The following SGSM1 variants were observed in gnomAD, a reference collection of about 807,000 sequenced individuals.
SGSM1 encodes RUN and TBC1 domain containing 2.
Under a neutral mutation model 133.8 loss-of-function variants are expected in SGSM1, and 73 were observed. The ratio of observed to expected loss-of-function variants is 0.55; its 90% confidence interval spans 0.45 to 0.66. SGSM1 has a LOEUF of 0.66. Among genes scored for constraint, SGSM1 ranks in the 30% least tolerant of loss-of-function variants. The pLI is 0.00. For missense variants in SGSM1, 1,213 were observed against 1,448.1 expected (o/e 0.84, Z 2.64); for synonymous variants, 563 against 573.0 (o/e 0.98, Z 0.25).
At chr22:24,923,751 T>C (rs993394520) in intron 24 of SGSM1, among the ~76,000 whole-genome samples, 1 of 152,126 alleles carries the variant, frequency 6.6e-6, no homozygotes, top group Non-Finnish European at 1.5e-5. Context: ...GCCTCCTGAG[T>C]AGCTGGGATT....
chr22:24,820,442 A>G (rs539099778), intron 2 of SGSM1, among the ~76,000 whole-genome samples: 2 of 152,302 alleles, frequency 1.3e-5, no homozygotes, highest in East Asian at 1.9e-4. Flanking sequence ...GGCAGCAGCC[A>G]AGTTAGCGGT....
intron 24 of SGSM1, among the ~76,000 whole-genome samples, chr22:24,922,497 AC>A (rs1934049395): frequency 9.1e-6 from 1 of 110,204 alleles, no homozygotes; most frequent in Non-Finnish European, 1.8e-5. Context: ...TTTTTTTGAG[AC>A]GGAGTCTTGC....
intron 14 of SGSM1, among the ~76,000 whole-genome samples, chr22:24,881,192 CAA>C (rs757336427): frequency 0.053 from 2,856 of 54,268 alleles, 81 homozygotes; most frequent in East Asian, 0.18. Flanking sequence ...GACTCCGTCT[CAA>C]AAAAAAAAAA....
chr22:24,828,450 T>C (rs1419551797), intron 2 of SGSM1, among the ~76,000 whole-genome samples: 2 of 151,980 alleles, frequency 1.3e-5, no homozygotes, highest in African/African-American at 4.8e-5. Flanking sequence ...AGGGGGCAAA[T>C]GACATGAACA....
rs750258760 is a variant in SGSM1, at chr22:24,898,132, C to T, written c.2183C>T (p.Ser728Leu). 3 of 1,613,994 alleles carry T rather than the reference C, an allele frequency of 1.9e-6. No individual in the cohort carries two copies. Among genetic ancestry groups the T allele is most frequent in the Non-Finnish European group, 8.5e-7 (1 of 1,179,894 alleles). ...HNFSSGLSEH[S>L]EPSLSTEDSV... ...TTCTCCTCGGGCCTCTCAGAGCACT[C>T]AGAGCCCAGTCTGAGCACAGAAGAC... is the stretch of plus-strand genomic sequence containing the variant. Residue 728 changes from serine (S) to leucine (L), a missense_variant, in exon 19 of 25, where the codon TCA becomes TTA. By Grantham distance (145) the Ser-to-Leu change is moderately radical (BLOSUM62 -2). Coordinates refer to ENST00000400358, the MANE Select transcript of SGSM1 (RefSeq NM_001098497.3).
intron 16 of SGSM1, among the ~76,000 whole-genome samples, chr22:24,890,874 C>T (rs1016380568): frequency 6.6e-6 from 1 of 152,130 alleles, no homozygotes; most frequent in Non-Finnish European, 1.5e-5. Context: ...ACTCTATATT[C>T]GTGTATCACT....
At position 24,884,113 on chromosome 22, in the gene SGSM1, A is replaced by C. The variant is rs1457838580; in HGVS notation, c.1556A>C (p.His519Pro). The C allele has an allele frequency of 1.2e-6, 2 of 1,613,652 alleles. No individual in the cohort carries two copies. The highest frequency in any genetic ancestry group is 2.7e-5 in the African/African-American group (2 of 74,886). Residue 519 changes from histidine to proline, a missense_variant, in exon 15 of 25, where the codon CAC becomes CCC. Transcript: ENST00000400358. ...ACCCACCTATCAGCCCTGGTCAATC[A>C]CATGATCGTGTCTCCAGACTTGCCC... ...VRTHLSALVN[H>P]MIVSPDLPCD...
At chr22:24,907,459 A>G (rs1933431653) in intron 21 of SGSM1, among the ~76,000 whole-genome samples, 1 of 152,066 alleles carries the variant, frequency 6.6e-6, no homozygotes, top group Non-Finnish European at 1.5e-5. Context: ...TTAAGGTAGC[A>G]ATGCTCTCCA....
At chr22:24,882,555 A>G (rs1414924150) in intron 14 of SGSM1, among the ~76,000 whole-genome samples, 1 of 152,204 alleles carries the variant, frequency 6.6e-6, no homozygotes, top group African/African-American at 2.4e-5. Context: ...ATTTTGAAAT[A>G]TACAATAAAT....
intron 2 of SGSM1, among the ~76,000 whole-genome samples, chr22:24,820,162 C>G (rs1237746637): frequency 6.6e-6 from 1 of 152,156 alleles, no homozygotes; most frequent in African/African-American, 2.4e-5. Flanking sequence ...CAGCTCCATC[C>G]TCTCCTGTGC....
intron 2 of SGSM1, among the ~76,000 whole-genome samples, chr22:24,812,962 G>C (rs1927835223): frequency 6.6e-6 from 1 of 152,160 alleles, no homozygotes; most frequent in Non-Finnish European, 1.5e-5. Flanking sequence ...GAGAAAACAA[G>C]AAATATGTAT....
Position 24,874,657 on chromosome 22 carries a change from C to CAAGGGAGATGGAGGCAGG in SGSM1, c.1292-1902_1292-1885dup, listed in dbSNP as rs1175164109. On this transcript the variant is annotated intron_variant, in intron 12 of 24. Coordinates refer to ENST00000400358, the MANE Select transcript of SGSM1 (RefSeq NM_001098497.3). Reference sequence around the variant, plus strand: ...CATGTTGTCATTTGAGTTCTGGTCCCAAGGGAGATGGAGGCAGGAAGGGAG... The same window carrying CAAGGGAGATGGAGGCAGG: ...CATGTTGTCATTTGAGTTCTGGTCCCAAGGGAGATGGAGGCAGGAAGGGAGATGGAGGCAGGAAGGGAG... The CAAGGGAGATGGAGGCAGG allele has an allele frequency of 2.1e-4, 308 of 1,468,090 alleles. No individual in the cohort carries two copies. In the African/African-American group the frequency reaches 3.8e-3, roughly 18 times the overall value. 90.9% of individuals were successfully genotyped at this position (1,468,090 alleles called of 1,614,324 possible).
intron 2 of SGSM1, among the ~76,000 whole-genome samples, chr22:24,821,342 C>T (rs933588263): frequency 2.0e-5 from 3 of 152,146 alleles, no homozygotes; most frequent in East Asian, 1.9e-4. Context: ...CAGCCTGAGC[C>T]GATATCTTGA....
intron 2 of SGSM1, among the ~76,000 whole-genome samples, chr22:24,812,652 T>C (rs1187838419): frequency 2.0e-5 from 3 of 152,160 alleles, no homozygotes; most frequent in Admixed American, 1.3e-4. Context: ...TGGGGAGCTA[T>C]AGAAGATTTA....
chr22:24,846,372 G>A (rs758323212), intron 3 of SGSM1, among the ~76,000 whole-genome samples: 2 of 151,600 alleles, frequency 1.3e-5, no homozygotes, highest in Non-Finnish European at 2.9e-5. Flanking sequence ...ATACACACAT[G>A]CACATAATTA....
At chr22:24,890,604 G>A (rs529410838) in intron 16 of SGSM1, among the ~76,000 whole-genome samples, 2 of 151,982 alleles carry the variant, frequency 1.3e-5, no homozygotes, top group East Asian at 2.0e-4. Flanking sequence ...GCAGTGGTGC[G>A]ATCTCAGCTC....
At chr22:24,838,291 T>C (rs1157870968) in intron 2 of SGSM1, among the ~76,000 whole-genome samples, 2 of 151,724 alleles carry the variant, frequency 1.3e-5, no homozygotes, top group Non-Finnish European at 2.9e-5. Context: ...GGAAGAAGGG[T>C]TTAATTGGGT....
At chr22:24,863,830 C>T (rs1931297983) in intron 9 of SGSM1, among the ~76,000 whole-genome samples, 1 of 151,644 alleles carries the variant, frequency 6.6e-6, no homozygotes, top group African/African-American at 2.4e-5. Flanking sequence ...CAACCTCCGC[C>T]TCCCAGGTTC....
chr22:24,904,586 A>G (rs1569173119), intron 20 of SGSM1, among the ~76,000 whole-genome samples: 1 of 150,694 alleles, frequency 6.6e-6, no homozygotes, highest in Non-Finnish European at 1.5e-5. Context: ...TCAAAAAAAA[A>G]AAAAAGAAAA....
Sources: gnomAD v4.1 joint callset for allele counts (sites outside exome capture counted in the v4.1 genomes callset) on GRCh38, gnomAD v4.1.1 for gene constraint, MANE v1.5 for transcripts, NCBI Gene and HGNC (gene_info 2026-07-23, HGNC 2026-07-21) for gene names.